RPS23: variants seen among roughly 807,000 people sequenced by gnomAD.
RPS23 encodes the protein small ribosomal subunit protein uS12.
For synonymous variants in RPS23, 66 were observed against 60.4 expected (o/e 1.09, Z -0.43); for missense variants, 73 against 174.5 (o/e 0.42, Z 3.28).
rs1561388574 is a variant in RPS23 at position 82,275,328 on chromosome 5, C to A, written c.*781G>T. 2.8e-6 allele frequency: 2 copies of A among 702,622 alleles called. No homozygotes were observed. Among genetic ancestry groups the A allele is most frequent in the Non-Finnish European group, 5.2e-6 (2 of 385,010 alleles). The allele number at this position is 702,622 out of a possible 1,614,324, so 43.5% of individuals were successfully genotyped here. ...AAGTATTTGTGGACAGCAAAATCCA[C>A]ATGTACTCAATACCTAGCTTAAATT... is the stretch of plus-strand genomic sequence containing the variant. On this transcript the variant is annotated 3_prime_UTR_variant, in exon 4 of 4. Transcript: ENST00000296674.
At position 82,273,914 on chromosome 5, in the gene RPS23, AATTT is replaced by A. The variant is rs1287391032; in HGVS notation, c.*2191_*2194del. The A allele has an allele frequency of 6.6e-6, 1 of 152,144 alleles. No individual in the cohort carries two copies. Among genetic ancestry groups the A allele is most frequent in the African/African-American group, 2.4e-5 (1 of 41,428 alleles). The allele number at this position is 152,144 out of a possible 1,614,324, so 9.4% of individuals were successfully genotyped here. ...TTTTTTAATTTTAATGAAATCCACC[AATTT>A]ATCTATTTTTTCTTTTACGGCATGT... On this transcript the variant is annotated 3_prime_UTR_variant, in exon 4 of 4. Transcript: ENST00000296674.
Position 82,277,867 on chromosome 5 carries a change from T to A in RPS23, c.5-15A>T, listed in dbSNP as rs781542587. On this transcript the variant is annotated splice_polypyrimidine_tract_variant and intron_variant, in intron 1 of 3. Transcript: ENST00000296674. Reference sequence around the variant, plus strand: ...ACGACACTTGCCTAAAAATTAAATATTTTAGTTCTTCCGTAAAAACACGCC... The same window carrying A: ...ACGACACTTGCCTAAAAATTAAATAATTTAGTTCTTCCGTAAAAACACGCC... 13 of 1,609,550 alleles carry A rather than the reference T, an allele frequency of 8.1e-6. No homozygotes were observed. The highest frequency in any genetic ancestry group is 1.1e-5 in the Non-Finnish European group (13 of 1,177,630).
chr5:82,275,075 GGGTTCTTCTGTGCCATGTGAAA>G lies in RPS23; in HGVS notation c.*1012_*1033del. 1 of 608,252 alleles carries G rather than the reference GGGTTCTTCTGTGCCATGTGAAA, an allele frequency of 1.6e-6. No homozygotes were observed. Among genetic ancestry groups the G allele is most frequent in the South Asian group, 2.0e-5 (1 of 50,694 alleles). The allele number at this position is 608,252 out of a possible 1,614,324, so 37.7% of individuals were successfully genotyped here. ...AATATGCAGGTATGAAGCGCAACCT[GGGTTCTTCTGTGCCATGTGAAA>G]GGTTCTGCTCTTGATCCTACGGAAA... On this transcript the variant is annotated 3_prime_UTR_variant, in exon 4 of 4. Transcript: ENST00000296674.
At position 82,275,919 on chromosome 5, in the gene RPS23, T is replaced by C; in HGVS notation, c.*190A>G. 1 of 582,760 alleles carries C rather than the reference T, an allele frequency of 1.7e-6. No individual in the cohort carries two copies. Among genetic ancestry groups the C allele is most frequent in the East Asian group, 2.9e-5 (1 of 34,350 alleles). The allele number at this position is 582,760 out of a possible 1,614,324, so 36.1% of individuals were successfully genotyped here. ...AAATGTTATTAACTCTAGAGAATCC[T>C]GAAACAACCCTGTCTTATTGTCTCC... On this transcript the variant is annotated 3_prime_UTR_variant, in exon 4 of 4. Transcript: ENST00000296674.
chr5:82,276,328 C>G (rs1438147282), intron 3 of RPS23, 70 bp downstream of exon 3: 3 of 1,612,466 alleles, frequency 1.9e-6, no homozygotes, highest in Non-Finnish European at 2.5e-6. Flanking sequence ...AGGAAACTCC[C>G]TTGCATCAGA....
rs758776736 is a variant in RPS23, at chr5:82,277,842, A to G, written c.15T>C (p.Arg5=). The change falls in exon 2 of 4, where the codon CGT becomes CGC. Residue 5 remains arginine, a synonymous_variant. Transcript: ENST00000296674. Reference sequence around the variant, plus strand: ...GGAGCTTCCTAGCAGTACGAAGTCCACGACACTTGCCTAAAAATTAAATAT... The same window carrying G: ...GGAGCTTCCTAGCAGTACGAAGTCCGCGACACTTGCCTAAAAATTAAATAT... MGKC[R]GLRTARKLRS... The G allele has an allele frequency of 6.8e-6, 11 of 1,611,486 alleles. No individual in the cohort carries two copies. The highest frequency in any genetic ancestry group is 9.3e-6 in the Non-Finnish European group (11 of 1,179,198).
At position 82,275,889 on chromosome 5, in the gene RPS23, G is replaced by C. The variant is rs1047174742; in HGVS notation, c.*220C>G. ...CACAGGATGAGGGAAACTGTGCCAGGTTACAAATGTTATTAACTCTAGAGA... is the reference window on the plus strand; with the variant it reads ...CACAGGATGAGGGAAACTGTGCCAGCTTACAAATGTTATTAACTCTAGAGA... On this transcript the variant is annotated 3_prime_UTR_variant, in exon 4 of 4. Transcript: ENST00000296674. 15 of 522,480 alleles carry C rather than the reference G, an allele frequency of 2.9e-5. No individual in the cohort carries two copies. The highest frequency in any genetic ancestry group is 4.8e-5 in the Non-Finnish European group (14 of 293,986). The allele number at this position is 522,480 out of a possible 1,614,324, so 32.4% of individuals were successfully genotyped here. A position where few individuals can be genotyped will look rare whatever the true frequency, so the allele number is the denominator to read the frequency against.
In RPS23 at chr5:82,274,065, T is replaced by G. The variant is rs1747715797; in HGVS notation, c.*2044A>C. On this transcript the variant is annotated 3_prime_UTR_variant, in exon 4 of 4. Transcript: ENST00000296674. ...GATCCATTTTGAGTTAAGTTTGTATTACATGTAAGGTTGGGGTTCCTTTGT... is the reference window on the plus strand; with the variant it reads ...GATCCATTTTGAGTTAAGTTTGTATGACATGTAAGGTTGGGGTTCCTTTGT... The G allele has an allele frequency of 6.6e-6, 1 of 152,262 alleles. No homozygotes were observed. Among genetic ancestry groups the G allele is most frequent in the Admixed American group, 6.5e-5 (1 of 15,292 alleles). The allele number at this position is 152,262 out of a possible 1,614,324, so 9.4% of individuals were successfully genotyped here. A position where few individuals can be genotyped will look rare whatever the true frequency, so the allele number is the denominator to read the frequency against.
At position 82,278,304 on chromosome 5, in the gene RPS23, G is replaced by A. The variant is rs758376532; in HGVS notation, c.4+16C>T. 1.3e-5 allele frequency: 21 copies of A among 1,584,100 alleles called. No individual in the cohort carries two copies. Among genetic ancestry groups the A allele is most frequent in the Non-Finnish European group, 1.7e-5 (20 of 1,163,196 alleles). ...GTCCCGCTTGCAGCGCCCTTAAACC[G>A]GCCACAACAGCTCACCCATCCTGTC... On this transcript the variant is annotated intron_variant, in intron 1 of 3. Transcript: ENST00000296674.
intron 2 of RPS23, chr5:82,276,858 AG>A (rs1165278100): frequency 5.0e-5 from 6 of 119,408 alleles, no homozygotes; most frequent in Non-Finnish European, 9.9e-5. Flanking sequence ...AAAAAAAAAA[AG>A]AAAAAAGAAA....
chr5:82,276,105 A>G lies in RPS23; in HGVS notation c.*4T>C, dbSNP rs764262074. ...TATTACTACAGTGTTTTCACCATTAATATTTATGATCTTGGTCTTTCCTTC... is the reference window on the plus strand; with the variant it reads ...TATTACTACAGTGTTTTCACCATTAGTATTTATGATCTTGGTCTTTCCTTC... On this transcript the variant is annotated 3_prime_UTR_variant, in exon 4 of 4. Transcript: ENST00000296674. The G allele has an allele frequency of 8.8e-6, 14 of 1,597,690 alleles. No individual in the cohort carries two copies. The South Asian group carries it at 1.6e-4, about 18-fold the overall frequency.
Position 82,274,889 on chromosome 5 carries a change from A to G in RPS23, c.*1220T>C, listed in dbSNP as rs1162916585. ...GATAAACCGAAGTGTGCTGGAAAAC[A>G]CACGAGCTCTTTAGTAAGAGCAGGC... On this transcript the variant is annotated 3_prime_UTR_variant, in exon 4 of 4. Transcript: ENST00000296674. The G allele has an allele frequency of 3.5e-6, 1 of 286,058 alleles. No individual in the cohort carries two copies. Among genetic ancestry groups the G allele is most frequent in the Non-Finnish European group, 6.6e-6 (1 of 151,088 alleles). 17.7% of individuals were successfully genotyped at this position (286,058 alleles called of 1,614,324 possible).
rs980825291 is a variant in RPS23 at position 82,278,348 on chromosome 5, G to A, written c.-25C>T. On this transcript the variant is annotated 5_prime_UTR_variant, in exon 1 of 4. Coordinates refer to ENST00000296674, the MANE Select transcript of RPS23 (RefSeq NM_001025.5). ...TCCTGTCGGCGCCACGGGCCTGAGC[G>A]AAAGAGAGAAGCACCGCAGGAAGGA... 6.8e-6 allele frequency: 11 copies of A among 1,606,544 alleles called. No homozygotes were observed. Among genetic ancestry groups the A allele is most frequent in the African/African-American group, 4.0e-5 (3 of 74,598 alleles).
Position 82,275,544 on chromosome 5 carries a change from CATT to C in RPS23, c.*562_*564del. 1 of 558,776 alleles carries C rather than the reference CATT, an allele frequency of 1.8e-6. No individual in the cohort carries two copies. Among genetic ancestry groups the C allele is most frequent in the Non-Finnish European group, 3.2e-6 (1 of 313,388 alleles). 34.6% of individuals were successfully genotyped at this position (558,776 alleles called of 1,614,324 possible). A position where few individuals can be genotyped will look rare whatever the true frequency, so the allele number is the denominator to read the frequency against. On this transcript the variant is annotated 3_prime_UTR_variant, in exon 4 of 4. Transcript: ENST00000296674. ...TCCAATGCCTGTATTCTCCTAAACA[CATT>C]AATGTAGACACATTACAACACAGAT...
rs772835902 is a variant in RPS23 at position 82,277,642 on chromosome 5, T to C, written c.164+51A>G. 24 of 1,551,390 alleles carry C rather than the reference T, an allele frequency of 1.5e-5. No homozygotes were observed. In the African/African-American group the frequency reaches 2.9e-4, roughly 18 times the overall value. On this transcript the variant is annotated intron_variant, in intron 2 of 3. Transcript: ENST00000296674. ...TTCAAAACAAGAATTCGTAAGTTCA[T>C]GTCTCGAATTCCTATAATAAACTAA...
Position 82,275,212 on chromosome 5 carries a change from T to G in RPS23, c.*897A>C. The G allele has an allele frequency of 1.4e-6, 1 of 702,594 alleles. No individual in the cohort carries two copies. Among genetic ancestry groups the G allele is most frequent in the Admixed American group, 2.0e-5 (1 of 50,016 alleles). 43.5% of individuals were successfully genotyped at this position (702,594 alleles called of 1,614,324 possible). A position where few individuals can be genotyped will look rare whatever the true frequency, so the allele number is the denominator to read the frequency against. ...GGGCTAATTAACCCATACTTACTAT[T>G]TGTTAACAGGAGTTTCTTACATCAG... On this transcript the variant is annotated 3_prime_UTR_variant, in exon 4 of 4. Transcript: ENST00000296674.
At position 82,277,835 on chromosome 5, in the gene RPS23, G is replaced by C; in HGVS notation, c.22C>G (p.Arg8Gly). Residue 8 changes from arginine to glycine, a missense_variant, in exon 2 of 4, where the codon CGT becomes GGT. Arg to Gly is a moderately radical substitution (Grantham distance 125). Transcript: ENST00000296674. Reference sequence around the variant, plus strand: ...TGACTACGGAGCTTCCTAGCAGTACGAAGTCCACGACACTTGCCTAAAAAT... The same window carrying C: ...TGACTACGGAGCTTCCTAGCAGTACCAAGTCCACGACACTTGCCTAAAAAT... MGKCRGL[R>G]TARKLRSHRR... is the part of the protein sequence containing the mutation. 6.2e-7 allele frequency: 1 copy of C among 1,613,580 alleles called. No homozygotes were observed. Among genetic ancestry groups the C allele is most frequent in the Non-Finnish European group, 8.5e-7 (1 of 1,179,702 alleles).
rs1255474517 is a variant in RPS23, at chr5:82,275,867, AG to A, written c.*241del. On this transcript the variant is annotated 3_prime_UTR_variant, in exon 4 of 4. Coordinates refer to ENST00000296674, the MANE Select transcript of RPS23 (RefSeq NM_001025.5). Reference sequence around the variant, plus strand: ...GATCTATCCCATTTTCTTATTCCACAGGATGAGGGAAACTGTGCCAGGTTAC... The same window carrying A: ...GATCTATCCCATTTTCTTATTCCACAGATGAGGGAAACTGTGCCAGGTTAC... The A allele has an allele frequency of 6.3e-6, 3 of 474,832 alleles. No homozygotes were observed. Among genetic ancestry groups the A allele is most frequent in the African/African-American group, 5.9e-5 (3 of 50,740 alleles). 29.4% of individuals were successfully genotyped at this position (474,832 alleles called of 1,614,324 possible).
chr5:82,274,893 G>A lies in RPS23; in HGVS notation c.*1216C>T, dbSNP rs79838731. The A allele has an allele frequency of 0.028, 7,912 of 282,944 alleles. 182 individuals are homozygous for A. Among genetic ancestry groups the A allele is most frequent in the Admixed American group, 0.071 (1,472 of 20,864 alleles). The allele number at this position is 282,944 out of a possible 1,614,324, so 17.5% of individuals were successfully genotyped here. A position where few individuals can be genotyped will look rare whatever the true frequency, so the allele number is the denominator to read the frequency against. ...AACCGAAGTGTGCTGGAAAACACACGAGCTCTTTAGTAAGAGCAGGCGACA... is the reference window on the plus strand; with the variant it reads ...AACCGAAGTGTGCTGGAAAACACACAAGCTCTTTAGTAAGAGCAGGCGACA... On this transcript the variant is annotated 3_prime_UTR_variant, in exon 4 of 4. Coordinates refer to ENST00000296674, the MANE Select transcript of RPS23 (RefSeq NM_001025.5).
Sources: gnomAD v4.1 joint callset for allele counts on GRCh38, gnomAD v4.1.1 for gene constraint, MANE v1.5 for transcripts, NCBI Gene and HGNC (gene_info 2026-07-23, HGNC 2026-07-21) for gene names.